LRMDA: variants seen among roughly 807,000 people sequenced by gnomAD.
LRMDA encodes the protein leucine rich melanocyte differentiation associated.
In LRMDA, 18 loss-of-function variants were observed where a neutral mutation model predicts 29.8. The observed-to-expected ratio is 0.60, with a 90% CI of 0.42 to 0.90. The LOEUF (loss-of-function observed/expected upper bound fraction) is 0.90, where lower values mean the gene tolerates loss of function less well. Ranked by LOEUF, LRMDA falls within the 40% of genes least tolerant of loss-of-function variation. The pLI, the probability that LRMDA is intolerant of heterozygous loss-of-function variation, is 0.00. For synonymous variants in LRMDA, 125 were observed against 109.4 expected (o/e 1.14, Z -0.89); for missense variants, 273 against 273.9 (o/e 1.00, Z 0.02).
intron 6 of LRMDA, among the ~76,000 whole-genome samples, chr10:76,380,671 A>T (rs1027162684): frequency 1.9e-4 from 23 of 123,234 alleles, no homozygotes; most frequent in Middle Eastern, 3.8e-3. Flanking sequence ...TCCACTTCAT[A>T]AAAAAAAAAA....
chr10:75,440,487 A>G (rs1385513661), intron 2 of LRMDA, among the ~76,000 whole-genome samples: 1 of 151,898 alleles, frequency 6.6e-6, no homozygotes, highest in African/African-American at 2.4e-5. Flanking sequence ...GTGTTTAAGA[A>G]CTTGGTTACA....
Position 76,261,064 on chromosome 10 carries a change from C to CTTTTT in LRMDA, c.517-63323_517-63319dup, listed in dbSNP as rs58554883. Among the ~76,000 whole-genome samples the CTTTTT allele has an allele frequency of 3.7e-3, 440 of 117,646 alleles. 9 individuals are homozygous for CTTTTT. Among genetic ancestry groups the CTTTTT allele is most frequent in the African/African-American group, 7.3e-3 (217 of 29,616 alleles). 77.2% of individuals were successfully genotyped at this position (117,646 alleles called of 152,430 possible). ...GATTGACTTGCGTTTCTTTTCTTTT[C>CTTTTT]TTTTTTTTTTTTTTTTTTGAGACGG... On this transcript the variant is annotated intron_variant, in intron 5 of 6. Coordinates refer to ENST00000611255, the MANE Select transcript of LRMDA (RefSeq NM_001305581.2).
In LRMDA at chr10:75,555,748, A is replaced by G. The variant is rs566541141; in HGVS notation, c.131+117254A>G. ...GACGAAACACAATCAACAGAGATCA[A>G]CTGCAGGAATACCTGGATGATGGAA... On this transcript the variant is annotated intron_variant, in intron 2 of 6. Transcript: ENST00000611255. Among the ~76,000 whole-genome samples the G allele has an allele frequency of 9.2e-5, 14 of 152,340 alleles. No homozygotes were observed. The East Asian group carries it at 1.2e-3, about 13-fold the overall frequency.
rs377639647 is a variant in LRMDA at position 75,697,834 on chromosome 10, A to AGTGTGT, written c.131+259352_131+259357dup. Among the ~76,000 whole-genome samples, 1,221 of 132,128 alleles carry AGTGTGT rather than the reference A, an allele frequency of 9.2e-3. 14 individuals carry two copies. Among genetic ancestry groups the AGTGTGT allele is most frequent in the African/African-American group, 0.03 (977 of 32,180 alleles). The allele number at this position is 132,128 out of a possible 152,430, so 86.7% of individuals were successfully genotyped here. ...TCTCTCTGTATTATGTGCATGTAAGAGTGTGTGTGTGTGTGTGCGTGTGTG... is the reference window on the plus strand; with the variant it reads ...TCTCTCTGTATTATGTGCATGTAAGAGTGTGTGTGTGTGTGTGTGTGTGCGTGTGTG... On this transcript the variant is annotated intron_variant, in intron 2 of 6. Transcript: ENST00000611255.
rs544792513 is a variant in LRMDA at position 76,502,795 on chromosome 10, G to T, written c.602-54414G>T. 4.0e-4 allele frequency among the ~76,000 whole-genome samples: 60 copies of T among 151,338 alleles called. 1 individual carries two copies. Among genetic ancestry groups the T allele is most frequent in the Non-Finnish European group, 6.1e-4 (41 of 67,718 alleles). The stretch of plus-strand genomic sequence containing the variant: ...GTTTATGAATTTTGGGAGCCTTTTG[G>T]CAGAGTCTTTAGGGTTTTCTAGGTA... On this transcript the variant is annotated intron_variant, in intron 6 of 6. Transcript: ENST00000611255.
intron 5 of LRMDA, among the ~76,000 whole-genome samples, chr10:76,178,147 T>G (rs1850975198): frequency 6.6e-6 from 1 of 152,228 alleles, no homozygotes. Flanking sequence ...ACAAAGCCAG[T>G]GGCCCTTGCG....
intron 5 of LRMDA, among the ~76,000 whole-genome samples, chr10:76,234,470 C>G (rs538531127): frequency 1.2e-3 from 179 of 152,278 alleles, no homozygotes; most frequent in African/African-American, 4.1e-3. Context: ...GATACATTAG[C>G]TCTTATCAAG....
chr10:75,472,346 G>C (rs753887986), intron 2 of LRMDA, among the ~76,000 whole-genome samples: 1 of 152,190 alleles, frequency 6.6e-6, no homozygotes, highest in Non-Finnish European at 1.5e-5. Context: ...ACCAGGCACT[G>C]TCCAGCTCTT....
At chr10:75,716,669 C>T (rs905523728) in intron 2 of LRMDA, among the ~76,000 whole-genome samples, 7 of 152,126 alleles carry the variant, frequency 4.6e-5, no homozygotes, top group Admixed American at 2.0e-4. Flanking sequence ...CATGGGGGTT[C>T]GATGGTGCCA....
chr10:76,059,425 G>A (rs1848669147), intron 5 of LRMDA, among the ~76,000 whole-genome samples: 1 of 152,166 alleles, frequency 6.6e-6, no homozygotes, highest in African/African-American at 2.4e-5. Flanking sequence ...AATTGGCTTG[G>A]GGTCTTGGAT....
At chr10:75,652,657 C>T (rs945548357) in intron 2 of LRMDA, among the ~76,000 whole-genome samples, 17 of 152,084 alleles carry the variant, frequency 1.1e-4, no homozygotes, top group East Asian at 3.9e-4. Flanking sequence ...CAGTGTCTTC[C>T]GGTGAGTTCC....
chr10:76,004,662 G>A (rs981847773), intron 2 of LRMDA, among the ~76,000 whole-genome samples: 3 of 152,134 alleles, frequency 2.0e-5, no homozygotes, highest in African/African-American at 7.2e-5. Context: ...CGATAGTGTA[G>A]GGGATTAAGG....
At chr10:75,862,929 C>G (rs986369606) in intron 2 of LRMDA, among the ~76,000 whole-genome samples, 1 of 152,024 alleles carries the variant, frequency 6.6e-6, no homozygotes, top group South Asian at 2.1e-4. Context: ...GAAAATTCAT[C>G]GTCAGACCAG....
chr10:75,926,779 T>C (rs1846127312), intron 2 of LRMDA, among the ~76,000 whole-genome samples: 1 of 152,222 alleles, frequency 6.6e-6, no homozygotes, highest in Non-Finnish European at 1.5e-5. Context: ...CAAGCAAAAT[T>C]GCTTTCTACT....
At chr10:76,162,042 TCTGA>T (rs1174569621) in intron 5 of LRMDA, among the ~76,000 whole-genome samples, 2 of 152,232 alleles carry the variant, frequency 1.3e-5, no homozygotes, top group Non-Finnish European at 2.9e-5. Context: ...ACAGGTCATT[TCTGA>T]CTATTACATG....
intron 2 of LRMDA, among the ~76,000 whole-genome samples, chr10:75,523,277 A>G (rs1845381607): frequency 6.6e-6 from 1 of 152,120 alleles, no homozygotes; most frequent in Non-Finnish European, 1.5e-5. Flanking sequence ...TCCTGCTGGA[A>G]ATGCCTGTGT....
chr10:75,933,465 A>G (rs533719523), intron 2 of LRMDA, among the ~76,000 whole-genome samples: 1 of 152,152 alleles, frequency 6.6e-6, no homozygotes, highest in Admixed American at 6.5e-5. Context: ...AAAAGAAATG[A>G]CCTGGTCCTT....
chr10:76,016,632 T>C (rs943149182), intron 2 of LRMDA, among the ~76,000 whole-genome samples: 14 of 152,222 alleles, frequency 9.2e-5, no homozygotes, highest in African/African-American at 3.4e-4. Flanking sequence ...TGCCAGGCGT[T>C]ATTCACTTAC....
Position 76,167,399 on chromosome 10 carries a change from A to ATAG in LRMDA, c.516+108619_516+108621dup, listed in dbSNP as rs1267740497. On this transcript the variant is annotated intron_variant, in intron 5 of 6. Transcript: ENST00000611255. The stretch of plus-strand genomic sequence containing the variant: ...ATCTTTGCCTGTTCCTATGTGCAGA[A>ATAG]TAGTATTGCCTATCTTGAGTTAATT... Among the ~76,000 whole-genome samples the ATAG allele has an allele frequency of 1.3e-5, 2 of 152,178 alleles. 1 individual carries two copies. The highest frequency in any genetic ancestry group is 4.1e-4 in the South Asian group (2 of 4,824).
Sources: allele counts gnomAD v4.1 joint callset (sites outside exome capture counted in the v4.1 genomes callset), GRCh38; gene constraint gnomAD v4.1.1; transcripts MANE v1.5; gene names NCBI Gene and HGNC (gene_info 2026-07-23, HGNC 2026-07-21).